Variants in SH3D19 observed in about 807,000 individuals in gnomAD.
SH3D19 encodes SH3 domain containing 19.
In SH3D19, 58 loss-of-function variants were observed where a neutral mutation model predicts 112.1. The observed-to-expected ratio is 0.52, with a 90% CI of 0.42 to 0.64. SH3D19 has a LOEUF of 0.64. Among genes scored for constraint, SH3D19 ranks in the 30% least tolerant of loss-of-function variants. SH3D19 has a pLI of 0.00. For missense variants in SH3D19, 1,090 were observed against 1,263.4 expected (o/e 0.86, Z 2.08); for synonymous variants, 391 against 448.5 (o/e 0.87, Z 1.62).
chr4:151,253,831 C>G (rs1037557876), intron 1 of SH3D19, among the ~76,000 whole-genome samples: 2 of 152,098 alleles, frequency 1.3e-5, no homozygotes, highest in Non-Finnish European at 2.9e-5. Context: ...ACAACCTCTA[C>G]GAGGACAGAG....
At chr4:151,310,850 G>A (rs1729384674) in intron 1 of SH3D19, among the ~76,000 whole-genome samples, 2 of 151,510 alleles carry the variant, frequency 1.3e-5, no homozygotes, top group African/African-American at 2.4e-5. Flanking sequence ...TGGGATTACA[G>A]GTATGATTCA....
chr4:151,266,362 T>A (rs1159374244), intron 1 of SH3D19: 2 of 152,226 alleles, frequency 1.3e-5, no homozygotes. Context: ...CATGTTCTGT[T>A]ATAGAAAAGT....
intron 3 of SH3D19, among the ~76,000 whole-genome samples, chr4:151,183,397 C>G (rs752437587): frequency 8.5e-5 from 13 of 152,146 alleles, no homozygotes; most frequent in Non-Finnish European, 1.5e-4. Flanking sequence ...AAAGAATCTT[C>G]TCGAATTCCA....
intron 1 of SH3D19, among the ~76,000 whole-genome samples, chr4:151,268,898 C>T (rs1342570488): frequency 6.6e-6 from 1 of 152,058 alleles, no homozygotes; most frequent in Non-Finnish European, 1.5e-5. Context: ...CCACAATAAA[C>T]ATATGTGTGC....
intron 3 of SH3D19, among the ~76,000 whole-genome samples, chr4:151,186,038 TC>T (rs1359874291): frequency 6.6e-6 from 1 of 151,900 alleles, no homozygotes; most frequent in Non-Finnish European, 1.5e-5. Context: ...AGACCATGTA[TC>T]GGGGGGGAAA....
At chr4:151,307,515 T>A (rs1729038394) in intron 1 of SH3D19, among the ~76,000 whole-genome samples, 1 of 152,252 alleles carries the variant, frequency 6.6e-6, no homozygotes, top group Non-Finnish European at 1.5e-5. Context: ...CTTCCCAGAG[T>A]TCCTGGTGCT....
rs529509279 is a variant in SH3D19, at chr4:151,135,986, A to AAAAACAAAAC, written c.2428-864_2428-855dup. On this transcript the variant is annotated intron_variant, in intron 14 of 19. Coordinates refer to ENST00000604030, the MANE Select transcript of SH3D19 (RefSeq NM_001378122.1). ...CGGGTGACAACAGCGAGACTGTCTC[A>AAAAACAAAAC]AAAACAAAACAAAACAAAACAAAAC... 9.4e-3 allele frequency among the ~76,000 whole-genome samples: 1,401 copies of AAAAACAAAAC among 148,862 alleles called. 13 individuals are homozygous for AAAAACAAAAC. The highest frequency in any genetic ancestry group is 0.039 in the East Asian group (197 of 4,994).
chr4:151,236,521 C>T (rs1290530575), intron 1 of SH3D19, among the ~76,000 whole-genome samples: 1 of 152,232 alleles, frequency 6.6e-6, no homozygotes, highest in Non-Finnish European at 1.5e-5. Context: ...AATCAGCACT[C>T]TGTGTCTAGC....
In SH3D19 at chr4:151,120,841, T is replaced by C. The variant is rs1300208143; in HGVS notation, c.*1250A>G. On this transcript the variant is annotated 3_prime_UTR_variant, in exon 20 of 20. Coordinates refer to ENST00000604030, the MANE Select transcript of SH3D19 (RefSeq NM_001378122.1). ...AAAAACAGAAGAAAGTCATGACCAT[T>C]GTTGGGAAAGTGTTTTACATTTCCA... is the stretch of plus-strand genomic sequence containing the variant. The C allele has an allele frequency of 6.6e-6, 1 of 152,634 alleles. No homozygotes were observed. Among genetic ancestry groups the C allele is most frequent in the Non-Finnish European group, 1.5e-5 (1 of 68,036 alleles). The allele number at this position is 152,634 out of a possible 1,614,324, so 9.5% of individuals were successfully genotyped here.
intron 8 of SH3D19, among the ~76,000 whole-genome samples, chr4:151,162,379 C>G (rs1757309918): frequency 6.6e-6 from 1 of 152,082 alleles, no homozygotes; most frequent in African/African-American, 2.4e-5. Context: ...TTAGAAGAGA[C>G]AGGGTTTCAC....
chr4:151,136,176 C>T (rs1253847114), intron 14 of SH3D19, among the ~76,000 whole-genome samples: 1 of 152,182 alleles, frequency 6.6e-6, no homozygotes, highest in East Asian at 1.9e-4. Context: ...GAGACAGGGT[C>T]TCACTCTGTT....
At chr4:151,155,697 C>T (rs959678980) in intron 9 of SH3D19, among the ~76,000 whole-genome samples, 1 of 152,038 alleles carries the variant, frequency 6.6e-6, no homozygotes, top group Admixed American at 6.6e-5. Context: ...ACCAGCCTGG[C>T]CAACATGATA....
chr4:151,303,299 C>T (rs1561446674), intron 1 of SH3D19, among the ~76,000 whole-genome samples: 1 of 152,160 alleles, frequency 6.6e-6, no homozygotes, highest in Non-Finnish European at 1.5e-5. Flanking sequence ...AGAGGAAACA[C>T]AATTATACAC....
chr4:151,193,523 ACT>A (rs1018045515), intron 2 of SH3D19, among the ~76,000 whole-genome samples: 13 of 152,130 alleles, frequency 8.5e-5, no homozygotes, highest in African/African-American at 3.1e-4. Flanking sequence ...GTAAGTTAAG[ACT>A]CTGGTAGTTC....
intron 1 of SH3D19, among the ~76,000 whole-genome samples, chr4:151,297,691 G>T (rs1485202729): frequency 2.6e-5 from 4 of 152,178 alleles, no homozygotes; most frequent in Non-Finnish European, 5.9e-5. Flanking sequence ...GCTAGAGGAG[G>T]AATAGATTTG....
Position 151,127,184 on chromosome 4 carries a change from G to A in SH3D19, c.3027+434C>T, listed in dbSNP as rs530550239. On this transcript the variant is annotated intron_variant, in intron 19 of 19. Transcript: ENST00000604030. ...CCTCGGCCTCCCAAAGGAATTTAGTGTCTTATGAGGCTACTATGCTACTAG... is the reference window on the plus strand; with the variant it reads ...CCTCGGCCTCCCAAAGGAATTTAGTATCTTATGAGGCTACTATGCTACTAG... 4.7e-4 allele frequency among the ~76,000 whole-genome samples: 71 copies of A among 152,264 alleles called. 2 individuals are homozygous for A. Among genetic ancestry groups the A allele is most frequent in the Admixed American group, 4.2e-3 (64 of 15,286 alleles).
intron 12 of SH3D19, among the ~76,000 whole-genome samples, chr4:151,142,713 T>A (rs1753216691): frequency 6.6e-6 from 1 of 152,126 alleles, no homozygotes. Flanking sequence ...TTTGCCAAGT[T>A]AGGGCAAAGT....
At chr4:151,213,776 C>T (rs1337054623) in intron 2 of SH3D19, among the ~76,000 whole-genome samples, 1 of 151,730 alleles carries the variant, frequency 6.6e-6, no homozygotes, top group East Asian at 1.9e-4. Flanking sequence ...AACTCCTAGG[C>T]TCAGGGCTTA....
At chr4:151,191,393 T>C (rs994291407) in intron 2 of SH3D19, among the ~76,000 whole-genome samples, 8 of 152,140 alleles carry the variant, frequency 5.3e-5, no homozygotes, top group Non-Finnish European at 1.0e-4. Context: ...TGAAATGACA[T>C]GGTTTGGCTG....
Sources: allele counts gnomAD v4.1 joint callset (sites outside exome capture counted in the v4.1 genomes callset), GRCh38; gene constraint gnomAD v4.1.1; transcripts MANE v1.5; gene names NCBI Gene and HGNC (gene_info 2026-07-23, HGNC 2026-07-21).